The following PROM2 variants were observed in gnomAD, a reference collection of about 807,000 sequenced individuals.
The protein encoded by PROM2 is prominin 2, also known as prominin-2.
Under a neutral mutation model 110.2 loss-of-function variants are expected in PROM2, and 90 were observed. The observed-to-expected ratio is 0.82, with a 90% CI of 0.69 to 0.97. The LOEUF is 0.97. Among genes scored for constraint, PROM2 ranks in the 50% least tolerant of loss-of-function variants. The probability of loss-of-function intolerance (pLI) is 0.00; values close to 1 mark genes in which losing one functional copy is unlikely to be tolerated. For synonymous variants in PROM2, 470 were observed against 467.8 expected, an observed-to-expected ratio of 1.00 and a Z score of -0.06; for missense variants, 1,009 against 1,074.8, an observed-to-expected ratio of 0.94 and a Z score of 0.86.
chr2:95,276,949 G>A lies in PROM2; in HGVS notation c.683-23G>A, dbSNP rs1227644007. On this transcript the variant is annotated intron_variant, in intron 5 of 23. Transcript: ENST00000317620. This position sits in a 1 kb window ranked among gnomAD's most constrained non-coding sequence, Gnocchi z 4.6. ...CCCTCCACTCTTGGGGTCCCACCCT[G>A]CAGACTGCCCTGTGCTCTGCAGGTG... The A allele has an allele frequency of 2.6e-6, 4 of 1,550,644 alleles. No homozygotes were observed. The highest frequency in any genetic ancestry group is 2.0e-5 in the Admixed American group (1 of 51,000).
chr2:95,277,743 C>A, intron 7 of PROM2, 177 bp downstream of exon 7: 1 of 764,236 alleles, frequency 1.3e-6, no homozygotes. Flanking sequence ...ACGCCCTGTA[C>A]GTGAACTTCA....
Position 95,281,936 on chromosome 2 carries a change from C to T in PROM2, c.1563C>T (p.Thr521=), listed in dbSNP as rs755241060. 6.8e-6 allele frequency: 11 copies of T among 1,614,012 alleles called. No homozygotes were observed. The South Asian group carries it at 1.1e-4, about 16-fold the overall frequency. ...TGCCCCATCCCCAGTTTGCAGACAC[C>T]CCAGGGAACCTGCCCCCGTCCATGA... ...ENGELFEFAD[T]PGNLPPSMNL... Residue 521 remains threonine, a synonymous_variant, in exon 13 of 24, where the codon ACC becomes ACT. Transcript: ENST00000317620.
At chr2:95,288,088 T>C (rs2104151844) in intron 20 of PROM2, 123 bp from the exon 21 acceptor site, 1 of 848,218 alleles carries the variant, frequency 1.2e-6, no homozygotes, top group Admixed American at 1.9e-5. Flanking sequence ...AAGTGTGCGG[T>C]GGCCCCAATG....
In PROM2 at chr2:95,275,771, A is replaced by G; in HGVS notation, c.295-159A>G. 6.8e-7 allele frequency: 1 copy of G among 1,468,218 alleles called. No individual in the cohort carries two copies. Among genetic ancestry groups the G allele is most frequent in the Non-Finnish European group, 9.0e-7 (1 of 1,112,500 alleles). 90.9% of individuals were successfully genotyped at this position (1,468,218 alleles called of 1,614,324 possible). A position where few individuals can be genotyped will look rare whatever the true frequency, so the allele number is the denominator to read the frequency against. On this transcript the variant is annotated intron_variant, in intron 2 of 23. Coordinates refer to ENST00000317620, the MANE Select transcript of PROM2 (RefSeq NM_001165978.3). This position sits in a 1 kb window ranked among gnomAD's most constrained non-coding sequence, Gnocchi z 4.4. ...CTTCCTCCTGTGTAAGATGGTGATGAGCAGTAAGAATGCGGTCACCTCTGG... is the reference window on the plus strand; with the variant it reads ...CTTCCTCCTGTGTAAGATGGTGATGGGCAGTAAGAATGCGGTCACCTCTGG...
chr2:95,286,907 CG>C, intron 18 of PROM2, 50 bp downstream of exon 18: 1 of 1,585,976 alleles, frequency 6.3e-7, no homozygotes, highest in Non-Finnish European at 8.6e-7. Flanking sequence ...GCTGCAGAGG[CG>C]GGGAGGAAGT....
chr2:95,280,149 C>T, intron 11 of PROM2, 152 bp downstream of exon 11: 1 of 734,900 alleles, frequency 1.4e-6, no homozygotes, highest in Non-Finnish European at 1.9e-6. Context: ...CAACAAGGAG[C>T]TCTTCCTTCC....
chr2:95,281,391 C>G, intron 12 of PROM2, 26 bp downstream of exon 12: 11 of 1,591,782 alleles, frequency 6.9e-6, no homozygotes, highest in Non-Finnish European at 8.5e-6. Context: ...CTCACAGGCC[C>G]TCCTGGGGAG....
intron 14 of PROM2, among the ~76,000 whole-genome samples, chr2:95,284,044 T>C (rs1221161300): frequency 1.3e-5 from 2 of 152,168 alleles, no homozygotes; most frequent in East Asian, 1.9e-4. Context: ...CCAGGGAAGG[T>C]CTGTGTCTCT....
chr2:95,284,142 G>T (rs1429752216), intron 14 of PROM2, among the ~76,000 whole-genome samples: 2 of 152,222 alleles, frequency 1.3e-5, no homozygotes, highest in Non-Finnish European at 2.9e-5. Context: ...GGCTTGGGGT[G>T]TCCAGGGCAG....
chr2:95,290,487 C>G lies in PROM2; in HGVS notation c.*1274C>G, dbSNP rs947162630. 1 of 152,190 alleles carries G rather than the reference C, an allele frequency of 6.6e-6. No homozygotes were observed. Among genetic ancestry groups the G allele is most frequent in the Non-Finnish European group, 1.5e-5 (1 of 68,040 alleles). The allele number at this position is 152,190 out of a possible 1,614,324, so 9.4% of individuals were successfully genotyped here. On this transcript the variant is annotated 3_prime_UTR_variant, in exon 24 of 24. Transcript: ENST00000317620. The stretch of plus-strand genomic sequence containing the variant: ...TAGGGAGTGGGTCCCAGCCTGGGAG[C>G]CTGCTGTCAGGAGCAGGCAGACCTG...
At position 95,279,841 on chromosome 2, in the gene PROM2, G is replaced by T; in HGVS notation, c.1275-4G>T. 2 of 1,447,674 alleles carry T rather than the reference G, an allele frequency of 1.4e-6. No individual in the cohort carries two copies. Among genetic ancestry groups the T allele is most frequent in the Admixed American group, 2.5e-5 (1 of 40,608 alleles). 89.7% of individuals were successfully genotyped at this position (1,447,674 alleles called of 1,614,324 possible). The stretch of plus-strand genomic sequence containing the variant: ...TAGTGACACCCATGTCCTCTCTGTG[G>T]CAGGTGGATCGTGGGCTGCGTGCTG... On this transcript the variant is annotated splice_region_variant and splice_polypyrimidine_tract_variant and intron_variant, in intron 10 of 23. Transcript: ENST00000317620.
chr2:95,288,626 C>A (rs1236362373), intron 22 of PROM2, 37 bp downstream of exon 22: 1 of 1,560,796 alleles, frequency 6.4e-7, no homozygotes, highest in Admixed American at 1.7e-5. Context: ...GCATCAGGGG[C>A]CAGGGAGGTG....
intron 18 of PROM2, 54 bp downstream of exon 18, chr2:95,286,911 G>A: frequency 6.4e-7 from 1 of 1,570,870 alleles, no homozygotes; most frequent in Non-Finnish European, 8.7e-7. Flanking sequence ...CAGAGGCGGG[G>A]AGGAAGTAGG....
Position 95,278,323 on chromosome 2 carries a change from G to C in PROM2, c.1050+319G>C, listed in dbSNP as rs1444380033. 1.1e-5 allele frequency: 6 copies of C among 536,470 alleles called. No homozygotes were observed. The South Asian group carries it at 1.3e-4, about 12-fold the overall frequency. 33.2% of individuals were successfully genotyped at this position (536,470 alleles called of 1,614,324 possible). On this transcript the variant is annotated intron_variant, in intron 8 of 23. Coordinates refer to ENST00000317620, the MANE Select transcript of PROM2 (RefSeq NM_001165978.3). ...TGCGGTGTTGTGAGTCAGCGCCCAG[G>C]ACCCAGGACCTGGAGCTGGGGAAAT...
Position 95,286,455 on chromosome 2 carries a change from G to A in PROM2, c.1948-24G>A, listed in dbSNP as rs117646334. On this transcript the variant is annotated intron_variant, in intron 16 of 23. Transcript: ENST00000317620. Reference sequence around the variant, plus strand: ...GGGTAGATGGGTCCTGGGCGGGGCCGTTCTGATTTTTGTATCCTTTCAGGA... The same window carrying A: ...GGGTAGATGGGTCCTGGGCGGGGCCATTCTGATTTTTGTATCCTTTCAGGA... 206 of 1,607,484 alleles carry A rather than the reference G, an allele frequency of 1.3e-4. No individual in the cohort carries two copies. The South Asian group carries it at 1.4e-3, about 11-fold the overall frequency.
chr2:95,280,316 A>G (rs114538699), intron 11 of PROM2, among the ~76,000 whole-genome samples: 1 of 152,318 alleles, frequency 6.6e-6, no homozygotes, highest in African/African-American at 2.4e-5. Context: ...GACGGTCTCT[A>G]AGGCCAAGGC....
chr2:95,288,369 G>C, intron 21 of PROM2, 69 bp downstream of exon 21: 4 of 1,586,166 alleles, frequency 2.5e-6, no homozygotes, highest in Non-Finnish European at 3.5e-6. Context: ...AGGGAGGGCC[G>C]GGTGAGCAGG....
rs1472688624 is a variant in PROM2, at chr2:95,290,594, G to T, written c.*1381G>T. 6.6e-6 allele frequency: 1 copy of T among 152,184 alleles called. No homozygotes were observed. Among genetic ancestry groups the T allele is most frequent in the African/African-American group, 2.4e-5 (1 of 41,436 alleles). The allele number at this position is 152,184 out of a possible 1,614,324, so 9.4% of individuals were successfully genotyped here. A position where few individuals can be genotyped will look rare whatever the true frequency, so the allele number is the denominator to read the frequency against. On this transcript the variant is annotated 3_prime_UTR_variant, in exon 24 of 24. Coordinates refer to ENST00000317620, the MANE Select transcript of PROM2 (RefSeq NM_001165978.3). ...GAGAATAGTCACAGCCTCCTCAAAG[G>T]GTTGTGAAAATCAAATGTGATAATT...
intron 11 of PROM2, 24 bp downstream of exon 11, chr2:95,280,021 A>G: frequency 1.4e-6 from 2 of 1,395,698 alleles, no homozygotes; most frequent in Non-Finnish European, 1.9e-6. Context: ...GGGAGAGGGG[A>G]AGGGTCCCCT....
Sources: gnomAD v4.1 joint callset for allele counts (sites outside exome capture counted in the v4.1 genomes callset) on GRCh38, gnomAD v4.1.1 for gene constraint, Gnocchi (gnomAD v3.1) non-coding constraint, MANE v1.5 for transcripts, NCBI Gene and HGNC (gene_info 2026-07-23, HGNC 2026-07-21) for gene names.